The following CDK6 variants were observed in gnomAD, a reference collection of about 807,000 sequenced individuals.
The protein encoded by CDK6 is cyclin-dependent kinase 6.
In CDK6, 6 loss-of-function variants were observed where a neutral mutation model predicts 37.1. The observed-to-expected ratio is 0.16, with a 90% confidence interval of 0.09 to 0.32. CDK6 has a LOEUF of 0.32. CDK6 is among the 10% of genes least tolerant of loss of function. CDK6 has a pLI of 1.00. For synonymous variants in CDK6, 160 were observed against 161.3 expected (o/e 0.99, Z 0.06); for missense variants, 224 against 418.9 (o/e 0.53, Z 4.06).
intron 3 of CDK6, among the ~76,000 whole-genome samples, chr7:92,770,957 C>G (rs1344245697): frequency 6.6e-6 from 1 of 152,026 alleles, no homozygotes; most frequent in Non-Finnish European, 1.5e-5. Flanking sequence ...AAATATCTGG[C>G]CAGGCATGGT....
rs567831119 is a variant in CDK6 at position 92,612,179 on chromosome 7, C to G, written c.*2961G>C. The G allele has an allele frequency of 4.3e-6, 1 of 233,000 alleles. No individual in the cohort carries two copies. The highest frequency in any genetic ancestry group is 8.5e-6 in the Non-Finnish European group (1 of 117,958). 14.4% of individuals were successfully genotyped at this position (233,000 alleles called of 1,614,324 possible). ...TCCCAAAATGCCTGAGCCGCCAGAA[C>G]CAAACATCAAACAGAAACTAGCAGG... On this transcript the variant is annotated 3_prime_UTR_variant, in exon 8 of 8. Coordinates refer to ENST00000424848, the MANE Select transcript of CDK6 (RefSeq NM_001145306.2).
chr7:92,629,744 A>G (rs1796011572), intron 5 of CDK6, among the ~76,000 whole-genome samples: 2 of 152,106 alleles, frequency 1.3e-5, no homozygotes, highest in Admixed American at 6.6e-5. Flanking sequence ...TCAGGCTGCA[A>G]TAATGGAGTA....
intron 3 of CDK6, among the ~76,000 whole-genome samples, chr7:92,762,806 T>C (rs1799489941): frequency 6.6e-6 from 1 of 152,050 alleles, no homozygotes; most frequent in Non-Finnish European, 1.5e-5. Flanking sequence ...CTCTTGACCT[T>C]GTGATCCACC....
intron 3 of CDK6, among the ~76,000 whole-genome samples, chr7:92,757,063 T>A (rs1170231536): frequency 6.6e-6 from 1 of 152,228 alleles, no homozygotes; most frequent in Admixed American, 6.5e-5. Flanking sequence ...ATATACTATA[T>A]AATGCAACCC....
intron 3 of CDK6, among the ~76,000 whole-genome samples, chr7:92,757,425 T>C (rs530812128): frequency 6.6e-6 from 1 of 152,328 alleles, no homozygotes; most frequent in South Asian, 2.1e-4. Flanking sequence ...TGTTCCTTCA[T>C]CAGTTTGCTA....
At chr7:92,653,005 T>C (rs1796610717) in intron 5 of CDK6, among the ~76,000 whole-genome samples, 1 of 152,212 alleles carries the variant, frequency 6.6e-6, no homozygotes, top group African/African-American at 2.4e-5. Flanking sequence ...CCCAACAAAG[T>C]TGTAGAATTT....
chr7:92,643,218 T>C (rs1331993187), intron 5 of CDK6, among the ~76,000 whole-genome samples: 1 of 152,142 alleles, frequency 6.6e-6, no homozygotes, highest in Admixed American at 6.5e-5. Flanking sequence ...ACAAATGAAC[T>C]AATGGGAATA....
rs188870214 is a variant in CDK6, at chr7:92,609,310, G to A, written c.*5830C>T. The A allele has an allele frequency of 4.3e-6, 1 of 232,356 alleles. No individual in the cohort carries two copies. The highest frequency in any genetic ancestry group is 6.1e-5 in the East Asian group (1 of 16,450). The allele number at this position is 232,356 out of a possible 1,614,324, so 14.4% of individuals were successfully genotyped here. A position where few individuals can be genotyped will look rare whatever the true frequency, so the allele number is the denominator to read the frequency against. ...ACCTCTAAAATTAACTTAATCATTT[G>A]GGGTATAAGAAGTCTTTAAGTAGAC... On this transcript the variant is annotated 3_prime_UTR_variant, in exon 8 of 8. Transcript: ENST00000424848.
chr7:92,751,663 T>C (rs890537553), intron 3 of CDK6, among the ~76,000 whole-genome samples: 3 of 152,198 alleles, frequency 2.0e-5, no homozygotes, highest in Admixed American at 6.5e-5. Context: ...AAAGTAAATA[T>C]GCAGTGATAA....
chr7:92,697,907 C>T (rs1797757308), intron 4 of CDK6, among the ~76,000 whole-genome samples: 1 of 152,146 alleles, frequency 6.6e-6, no homozygotes, highest in Non-Finnish European at 1.5e-5. Flanking sequence ...TGAAATTATG[C>T]TATCACAAAT....
intron 3 of CDK6, among the ~76,000 whole-genome samples, chr7:92,758,373 C>G (rs1799366825): frequency 6.6e-6 from 1 of 152,142 alleles, no homozygotes; most frequent in Non-Finnish European, 1.5e-5. Context: ...ATTCCAGCAC[C>G]CTTTACTGAA....
At chr7:92,698,443 CT>C (rs988108910) in intron 4 of CDK6, among the ~76,000 whole-genome samples, 12 of 151,986 alleles carry the variant, frequency 7.9e-5, no homozygotes, top group Admixed American at 5.2e-4. Context: ...ATTTTTTGTG[CT>C]TTTTTTTCCC....
chr7:92,721,075 AT>A (rs1798354405), intron 4 of CDK6, among the ~76,000 whole-genome samples: 1 of 152,176 alleles, frequency 6.6e-6, no homozygotes, highest in Non-Finnish European at 1.5e-5. Context: ...TCTGATAAAA[AT>A]AACCCATGCC....
chr7:92,741,164 G>T (rs926861210), intron 3 of CDK6, among the ~76,000 whole-genome samples: 1 of 152,056 alleles, frequency 6.6e-6, no homozygotes, highest in Non-Finnish European at 1.5e-5. Flanking sequence ...AAAGAACATG[G>T]GTAATTCTGA....
At chr7:92,651,836 G>T (rs545262948) in intron 5 of CDK6, among the ~76,000 whole-genome samples, 1 of 152,138 alleles carries the variant, frequency 6.6e-6, no homozygotes, top group Non-Finnish European at 1.5e-5. Flanking sequence ...GAGGCCCTGG[G>T]ATCTTGGAGA....
chr7:92,804,033 A>C (rs555846401), intron 2 of CDK6, among the ~76,000 whole-genome samples: 3 of 152,228 alleles, frequency 2.0e-5, no homozygotes, highest in Non-Finnish European at 4.4e-5. Context: ...ATCACCTCAT[A>C]TAGATTAGTG....
At chr7:92,754,836 G>A (rs1015811268) in intron 3 of CDK6, among the ~76,000 whole-genome samples, 3 of 152,096 alleles carry the variant, frequency 2.0e-5, no homozygotes, top group Non-Finnish European at 4.4e-5. Flanking sequence ...TCAGCAAGAT[G>A]GATCTTTCTG....
At chr7:92,669,122 T>C (rs992338681) in intron 5 of CDK6, among the ~76,000 whole-genome samples, 1 of 152,194 alleles carries the variant, frequency 6.6e-6, no homozygotes, top group African/African-American at 2.4e-5. Flanking sequence ...TCAGTCCCAA[T>C]GCTGAGATGG....
At chr7:92,793,146 G>C (rs1800323400) in intron 2 of CDK6, among the ~76,000 whole-genome samples, 1 of 152,056 alleles carries the variant, frequency 6.6e-6, no homozygotes, top group African/African-American at 2.4e-5. Flanking sequence ...GGATCAGGAA[G>C]ACTTGATATT....
Sources: gnomAD v4.1 joint callset for allele counts (sites outside exome capture counted in the v4.1 genomes callset) on GRCh38, gnomAD v4.1.1 for gene constraint, MANE v1.5 for transcripts, NCBI Gene and HGNC (gene_info 2026-07-23, HGNC 2026-07-21) for gene names.